Variants in FBH1 observed in about 807,000 individuals in gnomAD.
FBH1 encodes DNA 3'-5' helicase 1.
FBH1 carries 43 observed loss-of-function variants against 115.5 expected under a neutral mutation model. That is an observed-to-expected ratio of 0.37 (90% CI 0.29 to 0.48). The LOEUF (loss-of-function observed/expected upper bound fraction) is 0.48. FBH1 is among the 20% of genes least tolerant of loss of function. FBH1 has a pLI of 0.99. For missense variants in FBH1, 1,001 were observed against 1,337.3 expected, an observed-to-expected ratio of 0.75 and a Z score of 3.92; for synonymous variants, 524 against 507.8, an observed-to-expected ratio of 1.03 and a Z score of -0.43.
intron 13 of FBH1, among the ~76,000 whole-genome samples, chr10:5,920,605 CAG>C (rs1237943946): frequency 6.6e-6 from 1 of 152,182 alleles, no homozygotes; most frequent in Admixed American, 6.5e-5. Context: ...ATGGTTCACT[CAG>C]AGTAGTTTTA....
chr10:5,908,855 C>T, intron 3 of FBH1, 70 bp from the exon 4 acceptor site: 1 of 1,544,490 alleles, frequency 6.5e-7, no homozygotes. Flanking sequence ...AGGCGATCTG[C>T]CCGCCTCATT....
rs547484993 is a variant in FBH1, at chr10:5,918,995, A to C, written c.2100+517A>C. ...CCAATCACATGTCTGTGTGAGGTTG[A>C]ATTTTCTTCATGTGTGTCAGCCAAG... On this transcript the variant is annotated intron_variant, in intron 13 of 20. Transcript: ENST00000362091. The surrounding 1 kb of genome is among the most constrained non-coding windows in gnomAD (Gnocchi z 4.0). Among the ~76,000 whole-genome samples the C allele has an allele frequency of 6.6e-6, 1 of 152,310 alleles. No individual in the cohort carries two copies. Among genetic ancestry groups the C allele is most frequent in the East Asian group, 1.9e-4 (1 of 5,186 alleles).
chr10:5,889,972 C>G (rs1258670943), upstream of FBH1: 2 of 198,690 alleles, frequency 1.0e-5, no homozygotes, highest in Non-Finnish European at 1.0e-5. Context: ...TCCGCGGGGA[C>G]TCGGGGAGCT....
chr10:5,922,534 T>C (rs1010110443), intron 15 of FBH1, among the ~76,000 whole-genome samples: 1 of 152,234 alleles, frequency 6.6e-6, no homozygotes, highest in African/African-American at 2.4e-5. Context: ...TGGCATGATA[T>C]AAAGTAAGTG....
At chr10:5,922,678 C>T (rs1313109067) in intron 15 of FBH1, among the ~76,000 whole-genome samples, 1 of 152,048 alleles carries the variant, frequency 6.6e-6, no homozygotes, top group East Asian at 1.9e-4. Context: ...TTTATGTGTC[C>T]CTCCCTAAAA....
chr10:5,917,821 C>G lies in FBH1; in HGVS notation c.1963+145C>G. 4 of 732,468 alleles carry G rather than the reference C, an allele frequency of 5.5e-6. No individual in the cohort carries two copies. In the South Asian group the frequency reaches 7.0e-5, roughly 13 times the overall value. The allele number at this position is 732,468 out of a possible 1,614,324, so 45.4% of individuals were successfully genotyped here. On this transcript the variant is annotated intron_variant, in intron 12 of 20. Coordinates refer to ENST00000362091, the MANE Select transcript of FBH1 (RefSeq NM_178150.3). The surrounding 1 kb of genome is among the most constrained non-coding windows in gnomAD (Gnocchi z 5.6). ...TTCATACTTACCTTAGGATTTCAAG[C>G]TGCCCCTTCCCCTCACCCAAGCAGA...
intron 1 of FBH1, among the ~76,000 whole-genome samples, chr10:5,890,815 G>A (rs964426470): frequency 1.3e-5 from 2 of 152,198 alleles, no homozygotes; most frequent in Non-Finnish European, 2.9e-5. Flanking sequence ...GATGTGGGAG[G>A]CCTGGCGCTG....
Position 5,904,042 on chromosome 10 carries a change from CA to C in FBH1, c.157+870del, listed in dbSNP as rs535142971. Among the ~76,000 whole-genome samples the C allele has an allele frequency of 5.9e-3, 901 of 152,156 alleles. 8 individuals carry two copies. The highest frequency in any genetic ancestry group is 0.02 in the African/African-American group (833 of 41,494). Reference sequence around the variant, plus strand: ...ATACAACTAATTTCAGAATTCAACTCAAATATTATCTGGTTGTCTTTTTTTT... The same window carrying C: ...ATACAACTAATTTCAGAATTCAACTCAATATTATCTGGTTGTCTTTTTTTT... On this transcript the variant is annotated intron_variant, in intron 2 of 20. Coordinates refer to ENST00000362091, the MANE Select transcript of FBH1 (RefSeq NM_178150.3).
Position 5,895,300 on chromosome 10 carries a change from G to A in FBH1, c.1+4954G>A. 1 of 1,171,188 alleles carries A rather than the reference G, an allele frequency of 8.5e-7. No homozygotes were observed. The highest frequency in any genetic ancestry group is 2.9e-4 in the Middle Eastern group (1 of 3,432). 72.5% of individuals were successfully genotyped at this position (1,171,188 alleles called of 1,614,324 possible). On this transcript the variant is annotated intron_variant, in intron 1 of 20. Coordinates refer to ENST00000362091, the MANE Select transcript of FBH1 (RefSeq NM_178150.3). This position sits in a 1 kb window ranked among gnomAD's most constrained non-coding sequence, Gnocchi z 5.0. ...TAAAGTTGGGTATGGTATTGTAGCAGTTTCTCCAGTCAGGTACCTTGTACT... is the reference window on the plus strand; with the variant it reads ...TAAAGTTGGGTATGGTATTGTAGCAATTTCTCCAGTCAGGTACCTTGTACT...
chr10:5,932,078 C>T lies in FBH1; in HGVS notation c.2830-4378C>T, dbSNP rs1222610561. Among the ~76,000 whole-genome samples the T allele has an allele frequency of 1.3e-5, 2 of 152,150 alleles. No homozygotes were observed. The highest frequency in any genetic ancestry group is 4.8e-5 in the African/African-American group (2 of 41,418). ...GGGAGAATCGCGTGAACCCAGGAGG[C>T]GGAGATTGCAGTGAGCTGAGATTGT... On this transcript the variant is annotated intron_variant, in intron 19 of 20. Transcript: ENST00000362091. The surrounding 1 kb of genome is among the most constrained non-coding windows in gnomAD (Gnocchi z 5.9).
In FBH1 at chr10:5,936,603, G is replaced by A. The variant is rs374958110; in HGVS notation, c.2961+16G>A. The A allele has an allele frequency of 1.1e-5, 17 of 1,612,360 alleles. No homozygotes were observed. In the South Asian group the frequency reaches 1.4e-4, roughly 14 times the overall value. ...CATCACCTATGTACGTCTGCTGTCT[G>A]TGGAACTTAATTCAGCCATTTGCAT... is the stretch of plus-strand genomic sequence containing the variant. On this transcript the variant is annotated intron_variant, in intron 20 of 20. Coordinates refer to ENST00000362091, the MANE Select transcript of FBH1 (RefSeq NM_178150.3). The surrounding 1 kb of genome is among the most constrained non-coding windows in gnomAD (Gnocchi z 5.6).
chr10:5,906,999 G>A lies in FBH1; in HGVS notation c.753+367G>A, dbSNP rs182693205. Among the ~76,000 whole-genome samples the A allele has an allele frequency of 3.0e-4, 45 of 148,178 alleles. 1 individual carries two copies. Among genetic ancestry groups the A allele is most frequent in the African/African-American group, 1.1e-3 (45 of 39,988 alleles). The stretch of plus-strand genomic sequence containing the variant: ...TTTTTTTGAGACAGAGTTTCCCACT[G>A]TTGCCCAGGCTGGAGTGCAGTGGCA... On this transcript the variant is annotated intron_variant, in intron 3 of 20. Coordinates refer to ENST00000362091, the MANE Select transcript of FBH1 (RefSeq NM_178150.3). This position sits in a 1 kb window ranked among gnomAD's most constrained non-coding sequence, Gnocchi z 7.3.
In FBH1 at chr10:5,932,982, G is replaced by C. The variant is rs756712338; in HGVS notation, c.2830-3474G>C. Among the ~76,000 whole-genome samples, 5 of 152,086 alleles carry C rather than the reference G, an allele frequency of 3.3e-5. No individual in the cohort carries two copies. The highest frequency in any genetic ancestry group is 5.9e-5 in the Non-Finnish European group (4 of 68,016). On this transcript the variant is annotated intron_variant, in intron 19 of 20. Transcript: ENST00000362091. This position sits in a 1 kb window ranked among gnomAD's most constrained non-coding sequence, Gnocchi z 5.9. ...CTGCCCTGCCTTAGCCTCCCAAAGT[G>C]CTAGGATTACAGGCATGAGCCACTG...
At chr10:5,899,329 G>GTT (rs1294500613) in intron 1 of FBH1, among the ~76,000 whole-genome samples, 4 of 151,976 alleles carry the variant, frequency 2.6e-5, no homozygotes, top group African/African-American at 9.7e-5. Context: ...GTTTTGTTTT[G>GTT]TTTTTTTCCT....
Position 5,915,426 on chromosome 10 carries a change from G to A in FBH1, c.1420G>A (p.Val474Ile). 1 of 1,614,218 alleles carries A rather than the reference G, an allele frequency of 6.2e-7. No individual in the cohort carries two copies. Among genetic ancestry groups the A allele is most frequent in the Middle Eastern group, 1.6e-4 (1 of 6,062 alleles). ...AGGCACTGGGAAGACCTCAACGCTGGTCAAGTATGCAGAGAAGTGGTCTCA... is the reference window on the plus strand; with the variant it reads ...AGGCACTGGGAAGACCTCAACGCTGATCAAGTATGCAGAGAAGTGGTCTCA... Reference protein sequence around the residue: ...FAGTGKTSTLVKYAEKWSQSR... With the variant: ...FAGTGKTSTLIKYAEKWSQSR... Residue 474 changes from valine (V) to isoleucine (I), a missense_variant, in exon 9 of 21, where the codon GTC becomes ATC. Physicochemically the swap from Val to Ile is conservative, Grantham distance 29 (BLOSUM62 3). This residue lies in a region of FBH1 where 521 missense variants were observed against 811.0 expected (regional missense o/e 0.64). Coordinates refer to ENST00000362091, the MANE Select transcript of FBH1 (RefSeq NM_178150.3). This position sits in a 1 kb window ranked among gnomAD's most constrained non-coding sequence, Gnocchi z 5.2.
rs1165746029 is a variant in FBH1, at chr10:5,914,811, C to T, written c.1396+542C>T. Among the ~76,000 whole-genome samples the T allele has an allele frequency of 6.6e-6, 1 of 152,224 alleles. No individual in the cohort carries two copies. The highest frequency in any genetic ancestry group is 2.4e-5 in the African/African-American group (1 of 41,518). On this transcript the variant is annotated intron_variant, in intron 8 of 20. Transcript: ENST00000362091. This position sits in a 1 kb window ranked among gnomAD's most constrained non-coding sequence, Gnocchi z 5.2. The stretch of plus-strand genomic sequence containing the variant: ...TGCTATTTTTTTTCTGCCTGTAATC[C>T]CTTCCTGCTCCTTTTGTGGCTAAAT...
At chr10:5,894,026 C>A (rs898099211) in intron 1 of FBH1, 1 of 985,264 alleles carries the variant, frequency 1.0e-6, no homozygotes, top group Non-Finnish European at 1.2e-6. Flanking sequence ...CTGTCATACA[C>A]GAGTGCTGTC....
Position 5,915,531 on chromosome 10 carries a change from A to G in FBH1, c.1525A>G (p.Lys509Glu). 6.2e-7 allele frequency: 1 copy of G among 1,614,250 alleles called. No individual in the cohort carries two copies. The highest frequency in any genetic ancestry group is 8.5e-7 in the Non-Finnish European group (1 of 1,180,042). Residue 509 changes from lysine to glutamate, a missense_variant, in exon 9 of 21, where the codon AAA becomes GAA. Lys to Glu is a moderately conservative substitution (Grantham distance 56). Coordinates refer to ENST00000362091, the MANE Select transcript of FBH1 (RefSeq NM_178150.3). The surrounding 1 kb of genome is among the most constrained non-coding windows in gnomAD (Gnocchi z 5.2). ...ERVFPSNVICKTFHSMAYGHI... is the reference protein window; with the variant it reads ...ERVFPSNVICETFHSMAYGHI... ...CGTCTTCCCCAGCAACGTCATCTGCAAAACCTTCCACTCCATGGCCTACGG... is the reference window on the plus strand; with the variant it reads ...CGTCTTCCCCAGCAACGTCATCTGCGAAACCTTCCACTCCATGGCCTACGG...
At chr10:5,899,475 C>T (rs371891665) in intron 1 of FBH1, among the ~76,000 whole-genome samples, 32 of 151,628 alleles carry the variant, frequency 2.1e-4, no homozygotes, top group Middle Eastern at 3.4e-3. Flanking sequence ...TATTTTTTTC[C>T]TTTTTTCCTT....
Sources: allele counts gnomAD v4.1 joint callset (sites outside exome capture counted in the v4.1 genomes callset), GRCh38; gene constraint gnomAD v4.1.1; regional missense constraint gnomAD v4.1.1; non-coding constraint Gnocchi (gnomAD v3.1); transcripts MANE v1.5; gene names NCBI Gene and HGNC (gene_info 2026-07-23, HGNC 2026-07-21).